The following ACOXL variants were observed in gnomAD, a reference collection of about 807,000 sequenced individuals.
The protein encoded by ACOXL is acyl-coenzyme A oxidase-like protein.
ACOXL carries 70 observed loss-of-function variants against 71.9 expected under a neutral mutation model. The ratio of observed to expected loss-of-function variants is 0.97; its 90% CI spans 0.80 to 1.19. ACOXL has a LOEUF of 1.19. Among genes scored for constraint, ACOXL ranks in the 50% most tolerant of loss-of-function variants. ACOXL has a pLI of 0.00. For missense variants in ACOXL, 703 were observed against 736.3 expected (o/e 0.95, Z 0.52); for synonymous variants, 253 against 281.6 (o/e 0.90, Z 1.02).
Position 110,966,067 on chromosome 2 carries a change from G to A in ACOXL, c.1060-21041G>A, listed in dbSNP as rs563538869. Among the ~76,000 whole-genome samples, 6 of 152,222 alleles carry A rather than the reference G, an allele frequency of 3.9e-5. No individual in the cohort carries two copies. The South Asian group carries it at 1.0e-3, about 26-fold the overall frequency. ...GACCGCCGTTGACAATTTCTGCCTC[G>A]CTGGGAGCTGATCTTCCACTGGATC... On this transcript the variant is annotated intron_variant, in intron 12 of 17. Coordinates refer to ENST00000439055, the MANE Select transcript of ACOXL (RefSeq NM_001142807.4).
chr2:110,836,955 G>A (rs1031101889), intron 9 of ACOXL, among the ~76,000 whole-genome samples: 2 of 152,220 alleles, frequency 1.3e-5, no homozygotes, highest in African/African-American at 2.4e-5. Context: ...GGCTTGAATC[G>A]TATTTGAAAA....
At chr2:110,854,081 C>T (rs551330322) in intron 10 of ACOXL, among the ~76,000 whole-genome samples, 16 of 152,118 alleles carry the variant, frequency 1.1e-4, no homozygotes, top group South Asian at 8.3e-4. Flanking sequence ...AGGAAGCACT[C>T]GATGCTCCAA....
At chr2:110,982,498 C>G (rs1470835346) in intron 12 of ACOXL, among the ~76,000 whole-genome samples, 1 of 152,016 alleles carries the variant, frequency 6.6e-6, no homozygotes, top group East Asian at 1.9e-4. Context: ...TAAAGATTCT[C>G]CCCGAAGACA....
At chr2:110,930,244 C>G (rs775419019) in intron 11 of ACOXL, among the ~76,000 whole-genome samples, 3 of 152,244 alleles carry the variant, frequency 2.0e-5, no homozygotes, top group African/African-American at 4.8e-5. Flanking sequence ...GGACGTGAGA[C>G]AAAGAGTCAA....
intron 17 of ACOXL, among the ~76,000 whole-genome samples, chr2:111,104,694 T>A (rs1026366760): frequency 1.1e-4 from 16 of 152,214 alleles, no homozygotes; most frequent in Non-Finnish European, 2.1e-4. Context: ...GTTATTTTTT[T>A]AAACTGTTTA....
intron 1 of ACOXL, among the ~76,000 whole-genome samples, chr2:110,740,914 G>A (rs955363187): frequency 5.9e-5 from 9 of 152,228 alleles, no homozygotes; most frequent in East Asian, 1.9e-4. Context: ...TGTGGCTGAC[G>A]TGGACAGTTG....
At chr2:111,001,447 A>G (rs1443666082) in intron 14 of ACOXL, among the ~76,000 whole-genome samples, 2 of 152,212 alleles carry the variant, frequency 1.3e-5, no homozygotes, top group Non-Finnish European at 2.9e-5. Context: ...TGCTCCTTTC[A>G]TTAAAAAGTC....
At chr2:110,874,211 TG>T (rs913198943) in intron 10 of ACOXL, among the ~76,000 whole-genome samples, 3 of 152,066 alleles carry the variant, frequency 2.0e-5, no homozygotes, top group Admixed American at 6.5e-5. Flanking sequence ...AGAATGCTTT[TG>T]GGGGGGTGGT....
chr2:110,926,386 G>T (rs2060271369), intron 11 of ACOXL, among the ~76,000 whole-genome samples: 2 of 152,276 alleles, frequency 1.3e-5, no homozygotes, highest in South Asian at 4.1e-4. Context: ...ATTAACACAT[G>T]AAATGGGCTT....
At chr2:111,105,744 T>C (rs1333918955) in intron 17 of ACOXL, among the ~76,000 whole-genome samples, 2 of 152,174 alleles carry the variant, frequency 1.3e-5, no homozygotes, top group Non-Finnish European at 2.9e-5. Flanking sequence ...CTAGAAGTTC[T>C]TATAGATTCC....
intron 9 of ACOXL, among the ~76,000 whole-genome samples, chr2:110,836,909 G>A (rs188661412): frequency 1.9e-4 from 29 of 152,316 alleles, no homozygotes; most frequent in Non-Finnish European, 3.7e-4. Flanking sequence ...GCAGGCGGGC[G>A]GCCTCCTCGC....
chr2:110,816,214 TGATG>T (rs568333160), intron 9 of ACOXL, among the ~76,000 whole-genome samples: 290 of 150,962 alleles, frequency 1.9e-3, no homozygotes, highest in African/African-American at 4.4e-3. Context: ...GATGGATAAA[TGATG>T]GATGGATGGA....
Position 110,857,348 on chromosome 2 carries a change from C to T in ACOXL, c.788+15943C>T, listed in dbSNP as rs192265750. Among the ~76,000 whole-genome samples the T allele has an allele frequency of 4.7e-3, 709 of 152,308 alleles. 3 individuals are homozygous for T. The highest frequency in any genetic ancestry group is 0.017 in the African/African-American group (692 of 41,552). ...CTTCAAGAGACTTTCCTTCATCTCTCATTGGCCAGATAAACCCATCCGTCC... is the reference window on the plus strand; with the variant it reads ...CTTCAAGAGACTTTCCTTCATCTCTTATTGGCCAGATAAACCCATCCGTCC... On this transcript the variant is annotated intron_variant, in intron 10 of 17. Transcript: ENST00000439055.
At chr2:110,943,546 T>A (rs2060977456) in intron 12 of ACOXL, among the ~76,000 whole-genome samples, 1 of 152,114 alleles carries the variant, frequency 6.6e-6, no homozygotes, top group Non-Finnish European at 1.5e-5. Context: ...AAGTTCAGCT[T>A]TGCAGTACAG....
chr2:110,814,535 G>T (rs574917959), intron 9 of ACOXL, among the ~76,000 whole-genome samples: 47 of 151,948 alleles, frequency 3.1e-4, no homozygotes, highest in Non-Finnish European at 6.0e-4. Context: ...ATTTTAAAAA[G>T]TGAACTGGGC....
intron 11 of ACOXL, among the ~76,000 whole-genome samples, chr2:110,924,309 G>T (rs572380948): frequency 6.6e-6 from 1 of 152,280 alleles, no homozygotes; most frequent in South Asian, 2.1e-4. Flanking sequence ...AATGTCTTAA[G>T]ATAACAACGA....
intron 14 of ACOXL, among the ~76,000 whole-genome samples, chr2:111,013,338 A>T (rs989617250): frequency 6.6e-6 from 1 of 152,118 alleles, no homozygotes; most frequent in Non-Finnish European, 1.5e-5. Context: ...CAGCTGACCA[A>T]CATGGTGAAA....
rs766727093 is a variant in ACOXL at position 110,805,342 on chromosome 2, G to A, written c.700G>A (p.Ala234Thr). ...TGCAAGATTCAATGCCATGCTGGCA[G>A]CACTGACCCCTTCGAGATTAGCTGT... ...KSARFNAMLA[A>T]LTPSRLAVAF... Residue 234 changes from alanine (A) to threonine (T), a missense_variant, in exon 9 of 18, where the codon GCA becomes ACA. Ala to Thr is a moderately conservative substitution (Grantham distance 58, BLOSUM62 0). Transcript: ENST00000439055. 6.2e-7 allele frequency: 1 copy of A among 1,614,246 alleles called. No individual in the cohort carries two copies. The highest frequency in any genetic ancestry group is 1.7e-5 in the Admixed American group (1 of 60,036).
intron 15 of ACOXL, among the ~76,000 whole-genome samples, chr2:111,044,801 C>T (rs962673600): frequency 1.3e-5 from 2 of 152,210 alleles, no homozygotes; most frequent in East Asian, 3.9e-4. Flanking sequence ...GGGATGAGGC[C>T]ATTGTAGATC....
Sources: gnomAD v4.1 joint callset for allele counts (sites outside exome capture counted in the v4.1 genomes callset) on GRCh38, gnomAD v4.1.1 for gene constraint, MANE v1.5 for transcripts, NCBI Gene and HGNC (gene_info 2026-07-23, HGNC 2026-07-21) for gene names.